LRRK2: variants seen among roughly 807,000 people sequenced by gnomAD.
LRRK2 encodes leucine rich repeat kinase 2.
LRRK2 carries 203 observed loss-of-function variants against 302.6 expected under a neutral mutation model. The ratio of observed to expected loss-of-function variants is 0.67; its 90% CI spans 0.60 to 0.75. The LOEUF (loss-of-function observed/expected upper bound fraction) is 0.75. Among genes scored for constraint, LRRK2 ranks in the 30% least tolerant of loss-of-function variants. The pLI, the probability that LRRK2 is intolerant of heterozygous loss-of-function variation, is 0.00. For synonymous variants in LRRK2, 1,066 were observed against 1,031.9 expected, an observed-to-expected ratio of 1.03 and a Z score of -0.63; for missense variants, 2,830 against 2,951.0, an observed-to-expected ratio of 0.96 and a Z score of 0.95.
intron 33 of LRRK2, among the ~76,000 whole-genome samples, chr12:40,317,459 G>A (rs1360258387): frequency 6.6e-6 from 1 of 152,028 alleles, no homozygotes; most frequent in East Asian, 1.9e-4. Flanking sequence ...GCAAGGGCCG[G>A]AATAATTTCA....
Position 40,331,896 on chromosome 12 carries a change from G to T in LRRK2, c.5758-3071G>T, listed in dbSNP as rs193230438. 1.7e-3 allele frequency among the ~76,000 whole-genome samples: 265 copies of T among 152,294 alleles called. 2 individuals carry two copies. Among genetic ancestry groups the T allele is most frequent in the Middle Eastern group, 0.01 (3 of 294 alleles). On this transcript the variant is annotated intron_variant, in intron 39 of 50. Transcript: ENST00000298910. ...AAATTCCTTTAACCTTGGTATATTG[G>T]TTTAATTCCTTCAGAATGGCTTTTC...
chr12:40,325,829 C>T (rs888225165), intron 38 of LRRK2, among the ~76,000 whole-genome samples: 1 of 152,126 alleles, frequency 6.6e-6, no homozygotes, highest in African/African-American at 2.4e-5. Flanking sequence ...GTGAGTAATA[C>T]GACCCACCTT....
chr12:40,338,102 AG>A (rs1945930049), intron 40 of LRRK2, among the ~76,000 whole-genome samples: 1 of 152,194 alleles, frequency 6.6e-6, no homozygotes. Context: ...TGAGGTTGAA[AG>A]CTTACAGTCT....
intron 3 of LRRK2, among the ~76,000 whole-genome samples, chr12:40,234,588 A>G (rs572048834): frequency 1.3e-5 from 2 of 151,864 alleles, no homozygotes; most frequent in African/African-American, 4.8e-5. Context: ...CATGTTGGCC[A>G]GGATGGTCTT....
chr12:40,303,916 T>G, intron 26 of LRRK2, 32 bp from the exon 27 acceptor site: 1 of 1,602,404 alleles, frequency 6.2e-7, no homozygotes. Flanking sequence ...AAATACTCAT[T>G]TGGTTTATGT....
rs953030210 is a variant in LRRK2, at chr12:40,240,665, A to G, written c.706+48A>G. 5 of 1,527,206 alleles carry G rather than the reference A, an allele frequency of 3.3e-6. No homozygotes were observed. In the South Asian group the frequency reaches 5.6e-5, roughly 17 times the overall value. 94.6% of individuals were successfully genotyped at this position (1,527,206 alleles called of 1,614,324 possible). ...TTATTTTTTGTATCTGAAAAATTAC[A>G]ATATATCTCATTCTGAGTATATTTT... On this transcript the variant is annotated intron_variant, in intron 6 of 50. Coordinates refer to ENST00000298910, the MANE Select transcript of LRRK2 (RefSeq NM_198578.4).
chr12:40,298,522 G>T (rs201891210), intron 24 of LRRK2, 29 bp downstream of exon 24: 14 of 1,612,860 alleles, frequency 8.7e-6, no homozygotes, highest in Non-Finnish European at 1.1e-5. Context: ...AAAATAAAAG[G>T]GTTGCCTAAA....
chr12:40,351,204 T>C (rs1946340983), intron 43 of LRRK2, among the ~76,000 whole-genome samples: 1 of 152,208 alleles, frequency 6.6e-6, no homozygotes, highest in Non-Finnish European at 1.5e-5. Context: ...GGTTTTTCTC[T>C]CACTGGCGGT....
rs185268269 is a variant in LRRK2, at chr12:40,278,523, T to C, written c.2241+262T>C. 3.3e-5 allele frequency among the ~76,000 whole-genome samples: 5 copies of C among 152,344 alleles called. No homozygotes were observed. The East Asian group carries it at 5.8e-4, about 18-fold the overall frequency. On this transcript the variant is annotated intron_variant, in intron 18 of 50. Coordinates refer to ENST00000298910, the MANE Select transcript of LRRK2 (RefSeq NM_198578.4). Reference sequence around the variant, plus strand: ...TAAATAACTTTTCAAATGTGTCCCTTAGTAGGCATCTCTACAACTTAGTCT... The same window carrying C: ...TAAATAACTTTTCAAATGTGTCCCTCAGTAGGCATCTCTACAACTTAGTCT...
intron 14 of LRRK2, among the ~76,000 whole-genome samples, chr12:40,272,259 G>A (rs1404573294): frequency 6.6e-6 from 1 of 152,160 alleles, no homozygotes; most frequent in African/African-American, 2.4e-5. Flanking sequence ...AGTTCAGAAT[G>A]ACAATCTGAC....
At chr12:40,293,896 C>CATATATATATAT (rs1407049752) in intron 21 of LRRK2, among the ~76,000 whole-genome samples, 1 of 84,272 alleles carries the variant, frequency 1.2e-5, no homozygotes, top group Non-Finnish European at 3.3e-5. Context: ...TTTTGGGGCA[C>CATATATATATAT]ATATATATAT....
intron 45 of LRRK2, 100 bp downstream of exon 45, chr12:40,354,592 A>T: frequency 8.6e-7 from 1 of 1,161,402 alleles, no homozygotes; most frequent in Non-Finnish European, 1.3e-6. Flanking sequence ...GTTCATTTTT[A>T]GCCTATTTTC....
Position 40,320,465 on chromosome 12 carries a change from G to T in LRRK2, c.5015+290G>T, listed in dbSNP as rs10748032. On this transcript the variant is annotated intron_variant, in intron 34 of 50. Coordinates refer to ENST00000298910, the MANE Select transcript of LRRK2 (RefSeq NM_198578.4). ...TGGAGATTAATGTGTGTGTGTGTCT[G>T]TGTTTGTGTATGTGTGTGTTCTTAA... Among the ~76,000 whole-genome samples the T allele has an allele frequency of 0.57, 85,709 of 151,440 alleles. 24,341 individuals are homozygous for T. The highest frequency in any genetic ancestry group is 0.7 in the South Asian group (3,357 of 4,830).
At chr12:40,293,445 A>C (rs1376391061) in intron 20 of LRRK2, 100 bp from the exon 21 acceptor site, 1 of 728,310 alleles carries the variant, frequency 1.4e-6, no homozygotes, top group Admixed American at 2.2e-5. Context: ...ATTAATAAAA[A>C]TAGGTCTAAT....
At chr12:40,358,931 A>G (rs1946623145) in intron 46 of LRRK2, among the ~76,000 whole-genome samples, 1 of 151,968 alleles carries the variant, frequency 6.6e-6, no homozygotes, top group Admixed American at 6.6e-5. Context: ...GAGATCGTTC[A>G]TCATCTTTGT....
chr12:40,283,747 C>T, intron 18 of LRRK2, 128 bp from the exon 19 acceptor site: 1 of 748,946 alleles, frequency 1.3e-6, no homozygotes, highest in Admixed American at 2.7e-5. Context: ...ATCAGTTTTG[C>T]CTTATTTTAT....
chr12:40,315,219 T>C lies in LRRK2; in HGVS notation c.4746T>C (p.Leu1582=). The C allele has an allele frequency of 6.2e-7, 1 of 1,611,970 alleles. No individual in the cohort carries two copies. The highest frequency in any genetic ancestry group is 8.5e-7 in the Non-Finnish European group (1 of 1,178,306). The change falls in exon 33 of 51, where the codon CTT becomes CTC. Residue 1582 remains leucine, a synonymous_variant. Coordinates refer to ENST00000298910, the MANE Select transcript of LRRK2 (RefSeq NM_198578.4). ...AVHFLNESGV[L]LHFQDPALQL... ...GATGACTTTTTACTACAGGAGTCCT[T>C]CTTCATTTTCAAGACCCAGCACTGC...
intron 40 of LRRK2, among the ~76,000 whole-genome samples, chr12:40,338,059 C>T (rs539301000): frequency 4.6e-5 from 7 of 152,162 alleles, no homozygotes; most frequent in African/African-American, 1.7e-4. Context: ...GACTTAGGTG[C>T]TAAAGAGGGA....
chr12:40,280,659 A>AAATAAAATAG (rs1943651476), intron 18 of LRRK2, among the ~76,000 whole-genome samples: 1 of 150,670 alleles, frequency 6.6e-6, no homozygotes, highest in Admixed American at 6.6e-5. Flanking sequence ...AAATAAAATA[A>AAATAAAATAG]AATAATATAA....
Sources: allele counts gnomAD v4.1 joint callset (sites outside exome capture counted in the v4.1 genomes callset), GRCh38; gene constraint gnomAD v4.1.1; transcripts MANE v1.5; gene names NCBI Gene and HGNC (gene_info 2026-07-23, HGNC 2026-07-21).